The following ETFDH variants were observed in gnomAD, a reference collection of about 807,000 sequenced individuals.
ETFDH encodes electron transfer flavoprotein-ubiquinone oxidoreductase, mitochondrial.
Under a neutral mutation model 73.2 loss-of-function variants are expected in ETFDH, and 61 were observed. That is an observed-to-expected ratio of 0.83 (90% CI 0.68 to 1.03). The LOEUF (loss-of-function observed/expected upper bound fraction) is 1.03, where lower values mean the gene tolerates loss of function less well. Among genes scored for constraint, ETFDH ranks in the 50% least tolerant of loss-of-function variants. The pLI is 0.00. For missense variants in ETFDH, 685 were observed against 745.0 expected (o/e 0.92, Z 0.94); for synonymous variants, 243 against 253.3 (o/e 0.96, Z 0.39).
At chr4:158,696,707 A>G (rs1226873881) in intron 7 of ETFDH, among the ~76,000 whole-genome samples, 1 of 152,212 alleles carries the variant, frequency 6.6e-6, no homozygotes, top group African/African-American at 2.4e-5. Context: ...TTTAAAATTT[A>G]CCAGTCTGAA....
chr4:158,698,552 T>C (rs769738946), intron 8 of ETFDH, among the ~76,000 whole-genome samples: 4 of 152,214 alleles, frequency 2.6e-5, no homozygotes, highest in Non-Finnish European at 4.4e-5. Context: ...TATTAGTTTC[T>C]TTCAAATTGG....
At chr4:158,699,201 AT>A in intron 9 of ETFDH, 71 bp downstream of exon 9, 1 of 1,291,368 alleles carries the variant, frequency 7.7e-7, no homozygotes, top group Non-Finnish European at 1.1e-6. Flanking sequence ...AATGTAACAA[AT>A]TTAGATAAAG....
intron 1 of ETFDH, among the ~76,000 whole-genome samples, chr4:158,678,296 A>G (rs1773761288): frequency 6.6e-6 from 1 of 152,186 alleles, no homozygotes; most frequent in Non-Finnish European, 1.5e-5. Flanking sequence ...CTTGTGTCCC[A>G]AGACCTTTAC....
intron 6 of ETFDH, among the ~76,000 whole-genome samples, chr4:158,694,894 T>G (rs1410860252): frequency 6.6e-6 from 1 of 152,170 alleles, no homozygotes; most frequent in Admixed American, 6.6e-5. Flanking sequence ...GTGTGCACGG[T>G]AGACTGGCTC....
At chr4:158,694,782 T>TA (rs1204485589) in intron 6 of ETFDH, among the ~76,000 whole-genome samples, 5 of 151,976 alleles carry the variant, frequency 3.3e-5, no homozygotes, top group Admixed American at 6.6e-5. Context: ...ATATCAATTT[T>TA]AAAAAAATAG....
rs1374116117 is a variant in ETFDH, at chr4:158,706,331, G to A, written c.1428G>A (p.Trp476Ter). ...GGMIYTGIFY[W>*]ILRGMEPWTL... ...TGATTTACACTGGAATCTTTTACTG[G>A]ATATTGAGAGGAATGGAGCCGTGGA... Residue 476 changes from tryptophan to a stop codon, truncating the protein, a stop_gained, in exon 11 of 13, where the codon TGG becomes TGA. Coordinates refer to ENST00000511912, the MANE Select transcript of ETFDH (RefSeq NM_004453.4). LOFTEE classifies it high-confidence loss of function. 6.2e-7 allele frequency: 1 copy of A among 1,613,622 alleles called. No individual in the cohort carries two copies.
rs566605780 is a variant in ETFDH, at chr4:158,680,495, T to C, written c.63T>C (p.Ile21=). 216 of 1,605,916 alleles carry C rather than the reference T, an allele frequency of 1.3e-4. 4 individuals are homozygous for C. In the South Asian group the frequency reaches 2.3e-3, roughly 17 times the overall value. The part of the protein sequence containing the change: ...LAYQCFHALK[I]KKNYLPLCAT... ...ATCAGTGCTTTCATGCCTTAAAAAT[T>C]AAGAAAAATTATCTACCTCTATGTG... Residue 21 remains isoleucine, a synonymous_variant, in exon 2 of 13, where the codon ATT becomes ATC. Coordinates refer to ENST00000511912, the MANE Select transcript of ETFDH (RefSeq NM_004453.4).
At chr4:158,707,193 C>T (rs1330379849) in intron 12 of ETFDH, among the ~76,000 whole-genome samples, 4 of 152,184 alleles carry the variant, frequency 2.6e-5, no homozygotes, top group African/African-American at 7.2e-5. Flanking sequence ...TAGAACAGCA[C>T]ATTATGATTA....
chr4:158,684,649 A>G lies in ETFDH; in HGVS notation c.463A>G (p.Arg155Gly), dbSNP rs549150456. Reference protein sequence around the residue: ...DRFGILTEKYRIPVPILPGLP... With the variant: ...DRFGILTEKYGIPVPILPGLP... The stretch of plus-strand genomic sequence containing the variant: ...ATTTGGAATTTTAACAGAGAAATAC[A>G]GAATTCCTGTGCCAATTCTTCCAGG... The change falls in exon 4 of 13, where the codon AGA becomes GGA. Residue 155 changes from arginine to glycine, a missense_variant. Physicochemically the swap from Arg to Gly is moderately radical, Grantham distance 125. This residue lies in a region of ETFDH where 405 missense variants were observed against 399.3 expected (regional missense o/e 1.01). Transcript: ENST00000511912. 1.3e-6 allele frequency: 2 copies of G among 1,572,948 alleles called. No individual in the cohort carries two copies. The highest frequency in any genetic ancestry group is 1.7e-5 in the Admixed American group (1 of 59,986).
rs574791445 is a variant in ETFDH at position 158,703,561 on chromosome 4, A to T, written c.1255A>T (p.Thr419Ser). 11 of 1,607,752 alleles carry T rather than the reference A, an allele frequency of 6.8e-6. No individual in the cohort carries two copies. The highest frequency in any genetic ancestry group is 1.7e-5 in the Admixed American group (1 of 60,014). ...LAAESIFNQLTSENLQSKTIG... is the reference protein window; with the variant it reads ...LAAESIFNQLSSENLQSKTIG... Reference sequence around the variant, plus strand: ...AGCAGAATCTATTTTTAATCAACTAACTAGTGAAAATCTCCAATCAAAGAC... The same window carrying T: ...AGCAGAATCTATTTTTAATCAACTATCTAGTGAAAATCTCCAATCAAAGAC... Residue 419 changes from threonine to serine, a missense_variant, in exon 10 of 13, where the codon ACT becomes TCT. Thr to Ser is a moderately conservative substitution (Grantham distance 58). This residue lies in a region of ETFDH where 79 missense variants were observed against 120.5 expected (regional missense o/e 0.66). Coordinates refer to ENST00000511912, the MANE Select transcript of ETFDH (RefSeq NM_004453.4).
rs530424635 is a variant in ETFDH at position 158,672,417 on chromosome 4, C to T, written c.-40C>T. ...CGCCCGCCGCGAGCAGCGGACAGTC[C>T]TCCTGTTGTGTCCGACCGAGAGTCC... On this transcript the variant is annotated 5_prime_UTR_variant, in exon 1 of 13. Coordinates refer to ENST00000511912, the MANE Select transcript of ETFDH (RefSeq NM_004453.4). 12 of 1,612,770 alleles carry T rather than the reference C, an allele frequency of 7.4e-6. No homozygotes were observed. In the African/African-American group the frequency reaches 1.2e-4, roughly 16 times the overall value.
chr4:158,683,496 T>C (rs1773917571), intron 3 of ETFDH, among the ~76,000 whole-genome samples: 1 of 152,244 alleles, frequency 6.6e-6, no homozygotes, highest in South Asian at 2.1e-4. Context: ...TTTGATATTA[T>C]ATCAGAAATG....
rs1394204740 is a variant in ETFDH at position 158,697,677 on chromosome 4, C to T, written c.950C>T (p.Pro317Leu). The T allele has an allele frequency of 6.2e-7, 1 of 1,613,614 alleles. No individual in the cohort carries two copies. The highest frequency in any genetic ancestry group is 1.3e-5 in the African/African-American group (1 of 74,860). Residue 317 changes from proline to leucine, a missense_variant, in exon 8 of 13, where the codon CCC (proline) becomes CTC (leucine). Physicochemically the swap from Pro to Leu is moderately conservative, Grantham distance 98. Transcript: ENST00000511912. ...SFLYHLNEGE[P>L]LVALGLVVGL... The stretch of plus-strand genomic sequence containing the variant: ...CTCTATCATTTGAATGAAGGTGAAC[C>T]CCTAGTAGCTCTTGGTCTTGTGGTA...
chr4:158,706,154 G>A (rs927809005), intron 10 of ETFDH, 35 bp from the exon 11 acceptor site: 4 of 1,439,858 alleles, frequency 2.8e-6, no homozygotes, highest in Non-Finnish European at 3.9e-6. Context: ...CATTTGGGCA[G>A]TTTCGCACTT....
At chr4:158,699,212 G>T in intron 9 of ETFDH, 82 bp downstream of exon 9, 1 of 1,199,918 alleles carries the variant, frequency 8.3e-7, no homozygotes, top group Non-Finnish European at 1.2e-6. Flanking sequence ...TTTAGATAAA[G>T]AATAAAAACA....
intron 9 of ETFDH, 117 bp downstream of exon 9, chr4:158,699,247 G>C (rs1774396839): frequency 5.5e-6 from 5 of 902,158 alleles, no homozygotes; most frequent in Non-Finnish European, 9.0e-6. Context: ...AAAGTATGTA[G>C]AGTTTATAAA....
At chr4:158,701,794 C>G (rs6536363) in intron 9 of ETFDH, among the ~76,000 whole-genome samples, 1,756 of 152,286 alleles carry the variant, frequency 0.012, 32 homozygotes, top group African/African-American at 0.038. Context: ...CTGCTTGGCT[C>G]TCTTCTTTTC....
rs1041213939 is a variant in ETFDH, at chr4:158,692,257, G to A, written c.684+1832G>A. Among the ~76,000 whole-genome samples, 9 of 151,868 alleles carry A rather than the reference G, an allele frequency of 5.9e-5. 1 individual carries two copies. In the East Asian group the frequency reaches 1.5e-3, roughly 26 times the overall value. ...AAAAAAAAATACAAAAAAATTAGCC[G>A]GGCGTAGTGGCGCACGCCTGTAATC... is the stretch of plus-strand genomic sequence containing the variant. On this transcript the variant is annotated intron_variant, in intron 6 of 12. Coordinates refer to ENST00000511912, the MANE Select transcript of ETFDH (RefSeq NM_004453.4).
Position 158,682,381 on chromosome 4 carries a change from C to T in ETFDH, c.362C>T (p.Pro121Leu). Residue 121 changes from proline to leucine, a missense_variant, in exon 3 of 13, where the codon CCA becomes CTA. By Grantham distance (98) the Pro-to-Leu change is moderately conservative. This residue lies in a region of ETFDH where 405 missense variants were observed against 399.3 expected (regional missense o/e 1.01). Transcript: ENST00000511912. ...AHTLSGACLDPGAFKELFPDW... is the reference protein window; with the variant it reads ...AHTLSGACLDLGAFKELFPDW... Reference sequence around the variant, plus strand: ...ACTCTCTCAGGGGCTTGCCTTGATCCAGGTGCTTTTAAAGAACTCTTCCCA... The same window carrying T: ...ACTCTCTCAGGGGCTTGCCTTGATCTAGGTGCTTTTAAAGAACTCTTCCCA... 6.2e-7 allele frequency: 1 copy of T among 1,614,144 alleles called. No homozygotes were observed. Among genetic ancestry groups the T allele is most frequent in the Non-Finnish European group, 8.5e-7 (1 of 1,180,006 alleles).
Sources: gnomAD v4.1 joint callset for allele counts (sites outside exome capture counted in the v4.1 genomes callset) on GRCh38, gnomAD v4.1.1 for gene constraint, gnomAD v4.1.1 regional missense constraint, MANE v1.5 for transcripts, NCBI Gene and HGNC (gene_info 2026-07-23, HGNC 2026-07-21) for gene names.